SAMD8: variants seen among roughly 807,000 people sequenced by gnomAD.
The protein encoded by SAMD8 is sphingomyelin synthase-related protein 1.
SAMD8 carries 20 observed loss-of-function variants against 42.0 expected under a neutral mutation model. That is an observed-to-expected ratio of 0.48 (90% CI 0.34 to 0.69). The LOEUF is 0.69. Among genes scored for constraint, SAMD8 ranks in the 30% least tolerant of loss-of-function variants. The pLI is 0.01. For missense variants in SAMD8, 328 were observed against 511.6 expected (o/e 0.64, Z 3.46); for synonymous variants, 162 against 173.0 (o/e 0.94, Z 0.50).
At chr10:75,173,247 A>G (rs1840910646) in intron 4 of SAMD8, among the ~76,000 whole-genome samples, 1 of 152,190 alleles carries the variant, frequency 6.6e-6, no homozygotes, top group African/African-American at 2.4e-5. Context: ...AGTAATTGTT[A>G]TAAATAGAAA....
At chr10:75,170,775 T>G (rs1420326748) in intron 4 of SAMD8, among the ~76,000 whole-genome samples, 2 of 145,892 alleles carry the variant, frequency 1.4e-5, no homozygotes, top group Admixed American at 6.8e-5. Flanking sequence ...TTTGGGTTTT[T>G]TTTTTTTTTT....
intron 1 of SAMD8, among the ~76,000 whole-genome samples, chr10:75,121,454 T>G (rs1849003023): frequency 6.6e-6 from 1 of 152,204 alleles, no homozygotes; most frequent in African/African-American, 2.4e-5. Flanking sequence ...CTAAGAACTC[T>G]GTCATCCTGA....
chr10:75,137,967 T>C (rs550657050), intron 1 of SAMD8, among the ~76,000 whole-genome samples: 1 of 152,322 alleles, frequency 6.6e-6, no homozygotes, highest in African/African-American at 2.4e-5. Context: ...CTGCAGCTGC[T>C]TCATGACCCT....
chr10:75,174,001 T>G (rs1006334647), intron 4 of SAMD8, among the ~76,000 whole-genome samples: 1 of 152,232 alleles, frequency 6.6e-6, no homozygotes, highest in African/African-American at 2.4e-5. Context: ...CAGCATGCCT[T>G]GCACATAGTA....
intron 1 of SAMD8, among the ~76,000 whole-genome samples, chr10:75,140,423 A>AT (rs1165429205): frequency 6.6e-6 from 1 of 152,194 alleles, no homozygotes; most frequent in African/African-American, 2.4e-5. Flanking sequence ...GAATTCTAAA[A>AT]TGACTCCTAA....
At chr10:75,118,512 T>G (rs1249503841) in intron 1 of SAMD8, among the ~76,000 whole-genome samples, 2 of 152,108 alleles carry the variant, frequency 1.3e-5, no homozygotes, top group Non-Finnish European at 2.9e-5. Context: ...GGTGTGGTGG[T>G]GTGCCCCTAT....
At chr10:75,103,311 A>G (rs906973921) in intron 1 of SAMD8, among the ~76,000 whole-genome samples, 3 of 152,344 alleles carry the variant, frequency 2.0e-5, no homozygotes, top group Non-Finnish European at 2.9e-5. Flanking sequence ...AAAGACCTAG[A>G]AGACTCAGGC....
intron 1 of SAMD8, among the ~76,000 whole-genome samples, chr10:75,124,244 A>T (rs1306002837): frequency 6.6e-6 from 1 of 152,114 alleles, no homozygotes; most frequent in Non-Finnish European, 1.5e-5. Context: ...TTTATATATA[A>T]TGTCCATAGA....
At chr10:75,129,729 A>G (rs1169536164) in intron 1 of SAMD8, among the ~76,000 whole-genome samples, 1 of 152,254 alleles carries the variant, frequency 6.6e-6, no homozygotes, top group African/African-American at 2.4e-5. Flanking sequence ...GAGTAGCTAC[A>G]TGAATACATA....
At position 75,176,261 on chromosome 10, in the gene SAMD8, G is replaced by A; in HGVS notation, c.943+45G>A. The A allele has an allele frequency of 6.2e-7, 1 of 1,613,902 alleles. No individual in the cohort carries two copies. Among genetic ancestry groups the A allele is most frequent in the Non-Finnish European group, 8.5e-7 (1 of 1,179,838 alleles). ...TTCTATGCGTATTAGGTAACTAGCT[G>A]CAGTGAAGGCTGTGGGAAGGGTGTC... On this transcript the variant is annotated intron_variant, in intron 5 of 5. Transcript: ENST00000542569. The surrounding 1 kb of genome is among the most constrained non-coding windows in gnomAD (Gnocchi z 4.3).
chr10:75,162,649 C>CAAAAAAAAAAAAAAAAAAACAA (rs1840584989), intron 2 of SAMD8, among the ~76,000 whole-genome samples: 1 of 89,886 alleles, frequency 1.1e-5, no homozygotes, highest in Non-Finnish European at 2.3e-5. Context: ...AACTCCGTCT[C>CAAAAAAAAAAAAAAAAAAACAA]AAAAAAAAAA....
chr10:75,116,340 G>A (rs998820924), intron 1 of SAMD8, among the ~76,000 whole-genome samples: 1 of 152,042 alleles, frequency 6.6e-6, no homozygotes, highest in African/African-American at 2.4e-5. Context: ...TCCTGGCCTC[G>A]AGCAGTCCTC....
upstream of SAMD8, chr10:75,107,907 G>C: frequency 7.0e-7 from 1 of 1,424,782 alleles, no homozygotes; most frequent in Non-Finnish European, 9.5e-7. Flanking sequence ...AGCAGGGATG[G>C]GAGGGCACTG....
At chr10:75,138,930 T>G (rs7089501) in intron 1 of SAMD8, among the ~76,000 whole-genome samples, 28,712 of 151,814 alleles carry the variant, frequency 0.19, 2,992 homozygotes, top group East Asian at 0.26. Flanking sequence ...TTGATAGGTA[T>G]TGACCTTTGA....
intron 1 of SAMD8, among the ~76,000 whole-genome samples, chr10:75,137,517 G>A (rs1465733086): frequency 6.6e-6 from 1 of 151,298 alleles, no homozygotes; most frequent in Non-Finnish European, 1.5e-5. Flanking sequence ...TCCAGCCTGG[G>A]TGACAGAGTG....
chr10:75,105,917 C>T (rs1848472078), intron 1 of SAMD8: 5 of 1,521,080 alleles, frequency 3.3e-6, no homozygotes, highest in Non-Finnish European at 4.4e-6. Context: ...ACCGGCCCAC[C>T]CACGGGCTGG....
At chr10:75,166,872 A>G (rs1840694458) in intron 3 of SAMD8, among the ~76,000 whole-genome samples, 1 of 152,240 alleles carries the variant, frequency 6.6e-6, no homozygotes, top group Non-Finnish European at 1.5e-5. Context: ...TAGTCAAAGA[A>G]AGTGTTTCTC....
intron 1 of SAMD8, among the ~76,000 whole-genome samples, chr10:75,105,405 A>T (rs1027591408): frequency 6.6e-6 from 1 of 152,102 alleles, no homozygotes; most frequent in Non-Finnish European, 1.5e-5. Flanking sequence ...GGTCTGAAGG[A>T]TCCAGGTGGG....
At chr10:75,169,274 C>G (rs936287916) in intron 4 of SAMD8, among the ~76,000 whole-genome samples, 8 of 148,472 alleles carry the variant, frequency 5.4e-5, no homozygotes, top group African/African-American at 1.0e-4. Flanking sequence ...ATCACGAGGT[C>G]AGGAGTTTGA....
Sources: gnomAD v4.1 joint callset for allele counts (sites outside exome capture counted in the v4.1 genomes callset) on GRCh38, gnomAD v4.1.1 for gene constraint, Gnocchi (gnomAD v3.1) non-coding constraint, MANE v1.5 for transcripts, NCBI Gene and HGNC (gene_info 2026-07-23, HGNC 2026-07-21) for gene names.